The following DENND2B variants were observed in gnomAD, a reference collection of about 807,000 sequenced individuals.
DENND2B encodes the protein DENN domain containing 2B.
Under a neutral mutation model 116.0 loss-of-function variants are expected in DENND2B, and 32 were observed. The ratio of observed to expected loss-of-function variants is 0.28; its 90% CI spans 0.21 to 0.37. DENND2B has a LOEUF of 0.37. Ranked by LOEUF, DENND2B falls within the 10% of genes least tolerant of loss-of-function variation. The probability of loss-of-function intolerance (pLI) is 1.00; values close to 1 mark genes in which losing one functional copy is unlikely to be tolerated. For missense variants in DENND2B, 1,276 were observed against 1,477.7 expected, an observed-to-expected ratio of 0.86 and a Z score of 2.24; for synonymous variants, 588 against 583.9, an observed-to-expected ratio of 1.01 and a Z score of -0.10.
rs887526531 is a variant in DENND2B, at chr11:8,774,093, G to C, written c.-25-23368C>G. 5 of 984,448 alleles carry C rather than the reference G, an allele frequency of 5.1e-6. No homozygotes were observed. The South Asian group carries it at 2.4e-4, about 46-fold the overall frequency. The allele number at this position is 984,448 out of a possible 1,614,324, so 61.0% of individuals were successfully genotyped here. A position where few individuals can be genotyped will look rare whatever the true frequency, so the allele number is the denominator to read the frequency against. Reference sequence around the variant, plus strand: ...ACCACGAAGTGCTGTTGTACAGATTGAGTAAGATAGTGCATGCAAAGGACT... The same window carrying C: ...ACCACGAAGTGCTGTTGTACAGATTCAGTAAGATAGTGCATGCAAAGGACT... On this transcript the variant is annotated intron_variant, in intron 1 of 19. Coordinates refer to ENST00000313726, the MANE Select transcript of DENND2B (RefSeq NM_213618.2).
At chr11:8,727,129 G>A (rs1387829877) in intron 3 of DENND2B, among the ~76,000 whole-genome samples, 3 of 152,228 alleles carry the variant, frequency 2.0e-5, no homozygotes, top group African/African-American at 7.2e-5. Flanking sequence ...CCCTCTCCAA[G>A]GCAAGTCCCC....
chr11:8,836,997 T>C (rs1275316922), intron 4 of DENND2B, among the ~76,000 whole-genome samples: 1 of 152,242 alleles, frequency 6.6e-6, no homozygotes, highest in Non-Finnish European at 1.5e-5. Flanking sequence ...ATTACAGGCG[T>C]GGGCCACCAT....
intron 1 of DENND2B, among the ~76,000 whole-genome samples, chr11:8,907,037 C>T (rs1331890332): frequency 1.0e-4 from 4 of 40,152 alleles, no homozygotes; most frequent in Non-Finnish European, 6.3e-4. Flanking sequence ...CTTCACTGGA[C>T]TTGTTTTTTC....
At chr11:8,815,353 T>A (rs913971104), upstream of DENND2B, among the ~76,000 whole-genome samples, 13 of 152,098 alleles carry the variant, frequency 8.5e-5, no homozygotes, top group African/African-American at 3.1e-4. Flanking sequence ...AAGGTCTAAG[T>A]AACACCAACA....
intron 1 of DENND2B, among the ~76,000 whole-genome samples, chr11:8,884,423 C>A (rs1268619372): frequency 6.6e-6 from 1 of 152,110 alleles, no homozygotes; most frequent in Non-Finnish European, 1.5e-5. Flanking sequence ...AACTCCTGGG[C>A]TCAAGCAATC....
At chr11:8,892,654 G>A (rs557920074) in intron 1 of DENND2B, among the ~76,000 whole-genome samples, 2 of 152,278 alleles carry the variant, frequency 1.3e-5, no homozygotes, top group South Asian at 2.1e-4. Flanking sequence ...TAGAAGAAAT[G>A]GATAAATTTC....
intron 11 of DENND2B, 92 bp downstream of exon 11, chr11:8,710,753 G>GCACACA (rs56230708): frequency 0.031 from 25,826 of 825,140 alleles, 224 homozygotes; most frequent in Admixed American, 0.053. Context: ...TTGCAGAAGG[G>GCACACA]CACACACACA....
intron 2 of DENND2B, among the ~76,000 whole-genome samples, chr11:8,734,925 G>A (rs1182274960): frequency 1.3e-5 from 2 of 151,426 alleles, no homozygotes; most frequent in Admixed American, 6.6e-5. Flanking sequence ...ATATTCACAA[G>A]GGGCTGGCTC....
intron 1 of DENND2B, among the ~76,000 whole-genome samples, chr11:8,802,947 G>T (rs1439082146): frequency 6.6e-6 from 1 of 152,052 alleles, no homozygotes; most frequent in Non-Finnish European, 1.5e-5. Context: ...TGGTTGATGG[G>T]GTTAAAGAAA....
chr11:8,704,976 A>G (rs2042347373), intron 13 of DENND2B, among the ~76,000 whole-genome samples: 1 of 152,126 alleles, frequency 6.6e-6, no homozygotes, highest in Admixed American at 6.5e-5. Context: ...TGCTGGGATT[A>G]CAAGCACATG....
intron 3 of DENND2B, among the ~76,000 whole-genome samples, chr11:8,727,518 G>A (rs558111982): frequency 3.3e-5 from 5 of 152,216 alleles, no homozygotes; most frequent in East Asian, 1.9e-4. Context: ...TTAAGTGTCC[G>A]GGTCTCTCAG....
chr11:8,910,560 C>CTG (rs551506359), intron 1 of DENND2B, among the ~76,000 whole-genome samples: 80 of 150,130 alleles, frequency 5.3e-4, no homozygotes, highest in Non-Finnish European at 7.4e-4. Context: ...ACTCCTCCTA[C>CTG]TGTGTGTGTG....
At chr11:8,709,857 T>C (rs902827923) in intron 11 of DENND2B, among the ~76,000 whole-genome samples, 5 of 152,272 alleles carry the variant, frequency 3.3e-5, no homozygotes, top group African/African-American at 1.2e-4. Context: ...TTCCCTCTTA[T>C]TCCCTTGGCC....
upstream of DENND2B, among the ~76,000 whole-genome samples, chr11:8,872,485 TAAAAAAAAA>T (rs398044981): frequency 2.0e-3 from 208 of 102,942 alleles, 1 homozygote; most frequent in African/African-American, 8.1e-3. Flanking sequence ...AGACTCCGTC[TAAAAAAAAA>T]AAAAAAAAGA....
At chr11:8,793,177 TTTC>T (rs1273115900) in intron 1 of DENND2B, among the ~76,000 whole-genome samples, 1 of 152,212 alleles carries the variant, frequency 6.6e-6, no homozygotes, top group African/African-American at 2.4e-5. Context: ...AGTATAATCT[TTTC>T]TTTCCATTTT....
chr11:8,813,403 AAAGAC>A (rs1295363201), upstream of DENND2B, among the ~76,000 whole-genome samples: 1 of 151,942 alleles, frequency 6.6e-6, no homozygotes, highest in Non-Finnish European at 1.5e-5. Context: ...AAAGACAAAG[AAAGAC>A]AAGACAGAAG....
intron 2 of DENND2B, among the ~76,000 whole-genome samples, chr11:8,738,167 C>T (rs548328406): frequency 9.1e-4 from 139 of 152,318 alleles, no homozygotes; most frequent in African/African-American, 3.2e-3. Context: ...ACCCAACGCC[C>T]GTCTAAAAGG....
At chr11:8,909,773 C>T (rs1259107657) in intron 1 of DENND2B, 1 of 152,166 alleles carries the variant, frequency 6.6e-6, no homozygotes, top group African/African-American at 2.4e-5. Flanking sequence ...GCTCATCAAG[C>T]CATCTGTTGA....
intron 1 of DENND2B, among the ~76,000 whole-genome samples, chr11:8,903,571 CT>C (rs2064198111): frequency 6.6e-6 from 1 of 150,972 alleles, no homozygotes; most frequent in Non-Finnish European, 1.5e-5. Flanking sequence ...TTACCAATAG[CT>C]TTTTGTCAAC....
Sources: allele counts gnomAD v4.1 joint callset (sites outside exome capture counted in the v4.1 genomes callset), GRCh38; gene constraint gnomAD v4.1.1; transcripts MANE v1.5; gene names NCBI Gene and HGNC (gene_info 2026-07-23, HGNC 2026-07-21).